The following HDAC1 variants were observed in gnomAD, a reference collection of about 807,000 sequenced individuals.
HDAC1 encodes histone deacetylase 1, also known as protein deacetylase HDAC1.
A neutral mutation model predicts 65.5 loss-of-function variants in HDAC1; 18 were observed. The ratio of observed to expected loss-of-function variants is 0.27; its 90% CI spans 0.19 to 0.41. The LOEUF is 0.41. Ranked by LOEUF, HDAC1 falls within the 10% of genes least tolerant of loss-of-function variation. The pLI is 1.00. For missense variants in HDAC1, 373 were observed against 625.2 expected (o/e 0.60, Z 4.30); for synonymous variants, 211 against 227.9 (o/e 0.93, Z 0.67).
Position 32,332,218 on chromosome 1 carries a change from GAGAA to G in HDAC1, c.1352_1355del (p.Lys451ThrfsTer42). 1 of 1,613,272 alleles carries G rather than the reference GAGAA, an allele frequency of 6.2e-7. No homozygotes were observed. The highest frequency in any genetic ancestry group is 8.5e-7 in the Non-Finnish European group (1 of 1,179,564). ...GAGAGTCAAAACAGAGGATGAAAAA[GAGAA>G]AGACCCAGAGGAGAAGAAAGGTGGG... On this transcript the variant is annotated frameshift_variant, in exon 12 of 14. Coordinates refer to ENST00000373548, the MANE Select transcript of HDAC1 (RefSeq NM_004964.3). LOFTEE classifies it high-confidence loss of function.
chr1:32,319,892 G>A (rs951725224), intron 3 of HDAC1, among the ~76,000 whole-genome samples: 3 of 151,978 alleles, frequency 2.0e-5, no homozygotes, highest in African/African-American at 7.2e-5. Context: ...TCCAGCCTGG[G>A]CAACATAGCA....
At position 32,330,473 on chromosome 1, in the gene HDAC1, A is replaced by C. The variant is rs1641276360; in HGVS notation, c.730-105A>C. Reference sequence around the variant, plus strand: ...TTCTCTCCCACATAGCATGAGGGAGAGTGGAAAGGTAGGAGTGGGTGGGAA... The same window carrying C: ...TTCTCTCCCACATAGCATGAGGGAGCGTGGAAAGGTAGGAGTGGGTGGGAA... On this transcript the variant is annotated intron_variant, in intron 7 of 13. Transcript: ENST00000373548. The surrounding 1 kb of genome is among the most constrained non-coding windows in gnomAD (Gnocchi z 4.2). The C allele has an allele frequency of 3.9e-6, 3 of 776,810 alleles. No homozygotes were observed. In the Admixed American group the frequency reaches 5.3e-5, roughly 14 times the overall value. 48.1% of individuals were successfully genotyped at this position (776,810 alleles called of 1,614,324 possible). A position where few individuals can be genotyped will look rare whatever the true frequency, so the allele number is the denominator to read the frequency against.
At position 32,326,976 on chromosome 1, in the gene HDAC1, C is replaced by T. The variant is rs549067268; in HGVS notation, c.393C>T (p.Ile131=). The part of the protein sequence containing the change: ...AVKLNKQQTD[I]AVNWAGGLHH... ...AACTTAATAAGCAGCAGACGGACAT[C>T]GCTGTGAATTGGGCTGGGGGCCTGC... Residue 131 remains isoleucine, a synonymous_variant, in exon 5 of 14, where the codon ATC becomes ATT. Coordinates refer to ENST00000373548, the MANE Select transcript of HDAC1 (RefSeq NM_004964.3). 59 of 1,614,094 alleles carry T rather than the reference C, an allele frequency of 3.7e-5. No homozygotes were observed. Among genetic ancestry groups the T allele is most frequent in the Non-Finnish European group, 4.7e-5 (56 of 1,179,984 alleles).
intron 4 of HDAC1, among the ~76,000 whole-genome samples, chr1:32,324,866 A>G (rs1641196722): frequency 6.6e-6 from 1 of 152,122 alleles, no homozygotes; most frequent in Non-Finnish European, 1.5e-5. Context: ...AGTCCCAGCT[A>G]CTCAGGAGGC....
At position 32,333,146 on chromosome 1, in the gene HDAC1, T is replaced by G. The variant is rs1641322163; in HGVS notation, c.*102T>G. The stretch of plus-strand genomic sequence containing the variant: ...TTTCTCTGTGTATTTATATAAAAAT[T>G]TATTAAATATAAATATCCCCAGGGA... On this transcript the variant is annotated 3_prime_UTR_variant, in exon 14 of 14. Transcript: ENST00000373548. 5.1e-6 allele frequency: 5 copies of G among 974,616 alleles called. No homozygotes were observed. Among genetic ancestry groups the G allele is most frequent in the East Asian group, 2.7e-5 (1 of 36,662 alleles). 60.4% of individuals were successfully genotyped at this position (974,616 alleles called of 1,614,324 possible).
At position 32,331,751 on chromosome 1, in the gene HDAC1, C is replaced by T. The variant is rs746551269; in HGVS notation, c.1164C>T (p.Ala388=). Residue 388 remains alanine (A), a synonymous_variant, in exon 11 of 14, where the codon GCC becomes GCT. Coordinates refer to ENST00000373548, the MANE Select transcript of HDAC1 (RefSeq NM_004964.3). This position sits in a 1 kb window ranked among gnomAD's most constrained non-coding sequence, Gnocchi z 4.2. ...GVQMQAIPED[A]IPEESGDEDE... Reference sequence around the variant, plus strand: ...AAATGCAGGCGATTCCTGAGGACGCCATCCCTGAGGAGAGTGGCGATGAGG... The same window carrying T: ...AAATGCAGGCGATTCCTGAGGACGCTATCCCTGAGGAGAGTGGCGATGAGG... The T allele has an allele frequency of 3.7e-6, 6 of 1,613,966 alleles. No homozygotes were observed. Among genetic ancestry groups the T allele is most frequent in the South Asian group, 2.2e-5 (2 of 91,086 alleles).
chr1:32,326,847 A>G (rs1057342348), intron 4 of HDAC1, 92 bp from the exon 5 acceptor site: 2 of 1,342,638 alleles, frequency 1.5e-6, no homozygotes, highest in African/African-American at 2.9e-5. Flanking sequence ...TTGAATAGGC[A>G]GGTCTTAACC....
chr1:32,308,638 C>T (rs1420055586), intron 2 of HDAC1, among the ~76,000 whole-genome samples: 1 of 152,056 alleles, frequency 6.6e-6, no homozygotes, highest in Non-Finnish European at 1.5e-5. Context: ...CCTGCCTCAG[C>T]CTCCCGAGTA....
chr1:32,327,092 C>T lies in HDAC1; in HGVS notation c.494+15C>T, dbSNP rs959809585. On this transcript the variant is annotated intron_variant, in intron 5 of 13. Coordinates refer to ENST00000373548, the MANE Select transcript of HDAC1 (RefSeq NM_004964.3). The surrounding 1 kb of genome is among the most constrained non-coding windows in gnomAD (Gnocchi z 6.0). ...GAACTGCTAAAGTATGCCTGCCTGGCCTTGTCTCTTGGAAGAGCACCTTAG... is the reference window on the plus strand; with the variant it reads ...GAACTGCTAAAGTATGCCTGCCTGGTCTTGTCTCTTGGAAGAGCACCTTAG... 5 of 1,613,464 alleles carry T rather than the reference C, an allele frequency of 3.1e-6. No homozygotes were observed. The highest frequency in any genetic ancestry group is 4.2e-6 in the Non-Finnish European group (5 of 1,179,782).
chr1:32,314,815 G>T (rs1251536464), intron 2 of HDAC1, among the ~76,000 whole-genome samples: 1 of 138,506 alleles, frequency 7.2e-6, no homozygotes, highest in African/African-American at 2.8e-5. Context: ...GACAGAGCGA[G>T]ACTCCGTCTC....
chr1:32,307,110 T>C (rs1640921228), intron 2 of HDAC1, among the ~76,000 whole-genome samples: 1 of 152,084 alleles, frequency 6.6e-6, no homozygotes, highest in South Asian at 2.1e-4. Context: ...CCAGACGTGG[T>C]GGTGCATACC....
chr1:32,332,275 G>A (rs201560295), intron 12 of HDAC1, 33 bp downstream of exon 12: 274 of 1,588,788 alleles, frequency 1.7e-4, no homozygotes, highest in Non-Finnish European at 2.2e-4. Context: ...CTTGGGTCTC[G>A]AGCCTGAGAG....
At position 32,331,412 on chromosome 1, in the gene HDAC1, GTGCAAATGGTTA is replaced by G. The variant is rs1212644712; in HGVS notation, c.980-61_980-50del. 29 of 932,174 alleles carry G rather than the reference GTGCAAATGGTTA, an allele frequency of 3.1e-5. No homozygotes were observed. Among genetic ancestry groups the G allele is most frequent in the Non-Finnish European group, 1.4e-5 (8 of 562,268 alleles). 57.7% of individuals were successfully genotyped at this position (932,174 alleles called of 1,614,324 possible). A position where few individuals can be genotyped will look rare whatever the true frequency, so the allele number is the denominator to read the frequency against. The stretch of plus-strand genomic sequence containing the variant: ...CCTACAAATGCTTTAGGGTGCTTAC[GTGCAAATGGTTA>G]GGGTGCGGTGGCCAGGTCTCTTGAC... On this transcript the variant is annotated intron_variant, in intron 9 of 13. Transcript: ENST00000373548. This position sits in a 1 kb window ranked among gnomAD's most constrained non-coding sequence, Gnocchi z 4.2.
chr1:32,332,786 T>C (rs1355126247), intron 13 of HDAC1, 37 bp downstream of exon 13: 5 of 1,520,036 alleles, frequency 3.3e-6, no homozygotes, highest in African/African-American at 1.4e-5. Context: ...CTCCCTGGCA[T>C]TGGAGCACCA....
At chr1:32,314,022 A>G (rs1216342689) in intron 2 of HDAC1, among the ~76,000 whole-genome samples, 1 of 152,212 alleles carries the variant, frequency 6.6e-6, no homozygotes, top group Non-Finnish European at 1.5e-5. Flanking sequence ...AAAAGATGTG[A>G]TACAGAAACA....
Position 32,331,431 on chromosome 1 carries a change from G to A in HDAC1, c.980-43G>A, listed in dbSNP as rs778326795. On this transcript the variant is annotated intron_variant, in intron 9 of 13. Coordinates refer to ENST00000373548, the MANE Select transcript of HDAC1 (RefSeq NM_004964.3). The surrounding 1 kb of genome is among the most constrained non-coding windows in gnomAD (Gnocchi z 4.2). ...GCTTACGTGCAAATGGTTAGGGTGC[G>A]GTGGCCAGGTCTCTTGACGGTCTTC... 3.2e-5 allele frequency: 36 copies of A among 1,116,898 alleles called. No homozygotes were observed. The highest frequency in any genetic ancestry group is 8.5e-5 in the Admixed American group (5 of 59,080). The allele number at this position is 1,116,898 out of a possible 1,614,324, so 69.2% of individuals were successfully genotyped here.
chr1:32,332,496 C>T (rs539971523), intron 12 of HDAC1, among the ~76,000 whole-genome samples: 35 of 152,344 alleles, frequency 2.3e-4, no homozygotes, highest in African/African-American at 7.9e-4. Flanking sequence ...GGGCTGCCTC[C>T]GCCCACCAGG....
intron 3 of HDAC1, among the ~76,000 whole-genome samples, chr1:32,323,314 G>A (rs1641174289): frequency 6.6e-6 from 1 of 151,832 alleles, no homozygotes; most frequent in Non-Finnish European, 1.5e-5. Context: ...AAAAAAAACA[G>A]ACAAACCAAA....
At chr1:32,300,065 A>C (rs1011688630) in intron 1 of HDAC1, among the ~76,000 whole-genome samples, 1 of 152,022 alleles carries the variant, frequency 6.6e-6, no homozygotes, top group Non-Finnish European at 1.5e-5. Flanking sequence ...CTCAAAAAAA[A>C]AGAAAAAAGG....
Sources: allele counts gnomAD v4.1 joint callset (sites outside exome capture counted in the v4.1 genomes callset), GRCh38; gene constraint gnomAD v4.1.1; non-coding constraint Gnocchi (gnomAD v3.1); transcripts MANE v1.5; gene names NCBI Gene and HGNC (gene_info 2026-07-23, HGNC 2026-07-21).